The following PPP4R2 variants were observed in gnomAD, a reference collection of about 807,000 sequenced individuals.
The protein encoded by PPP4R2 is protein phosphatase 4 regulatory subunit 2.
Under a neutral mutation model 47.2 loss-of-function variants are expected in PPP4R2, and 13 were observed. The ratio of observed to expected loss-of-function variants is 0.28; its 90% CI spans 0.18 to 0.44. The LOEUF (loss-of-function observed/expected upper bound fraction) is 0.44. Among genes scored for constraint, PPP4R2 ranks in the 20% least tolerant of loss-of-function variants. The pLI, the probability that PPP4R2 is intolerant of heterozygous loss-of-function variation, is 1.00. For missense variants in PPP4R2, 421 were observed against 491.2 expected, an observed-to-expected ratio of 0.86 and a Z score of 1.35; for synonymous variants, 151 against 163.3, an observed-to-expected ratio of 0.92 and a Z score of 0.57.
chr3:73,034,305 T>G (rs1449520779), intron 2 of PPP4R2, among the ~76,000 whole-genome samples: 1 of 152,192 alleles, frequency 6.6e-6, no homozygotes, highest in Non-Finnish European at 1.5e-5. Flanking sequence ...TTGTTTTATT[T>G]TAACTCCTCC....
chr3:73,008,263 A>G (rs1701653661), intron 2 of PPP4R2, among the ~76,000 whole-genome samples: 1 of 152,192 alleles, frequency 6.6e-6, no homozygotes, highest in African/African-American at 2.4e-5. Flanking sequence ...ATTTTCAGTA[A>G]ATATAAGTTG....
intron 3 of PPP4R2, among the ~76,000 whole-genome samples, chr3:73,058,069 T>C (rs570838739): frequency 6.6e-6 from 1 of 151,092 alleles, no homozygotes; most frequent in South Asian, 2.1e-4. Context: ...CTTGTAATTC[T>C]TATGAATGCT....
chr3:73,010,471 T>A (rs1701699903), intron 2 of PPP4R2, among the ~76,000 whole-genome samples: 1 of 152,156 alleles, frequency 6.6e-6, no homozygotes, highest in African/African-American at 2.4e-5. Context: ...CTCTCTTGTC[T>A]CTATGCTTGT....
chr3:73,060,500 C>G (rs983364972), intron 4 of PPP4R2, among the ~76,000 whole-genome samples: 2 of 152,158 alleles, frequency 1.3e-5, no homozygotes, highest in Admixed American at 6.5e-5. Context: ...ATGCAAAACA[C>G]TTACTGTGAC....
chr3:73,065,464 C>T lies in PPP4R2; in HGVS notation c.996C>T (p.Ala332=), dbSNP rs1340644795. Residue 332 remains alanine (A), a synonymous_variant, in exon 9 of 9, where the codon GCC becomes GCT. Coordinates refer to ENST00000356692, the MANE Select transcript of PPP4R2 (RefSeq NM_174907.4). ...ATCAAGAAAAAGAATCTGATGATGC[C>T]TTAACTGTGAATGAAGAGACTTCTG... ...RKNQEKESDD[A]LTVNEETSEE... 2.2e-5 allele frequency: 35 copies of T among 1,611,462 alleles called. No homozygotes were observed. Among genetic ancestry groups the T allele is most frequent in the Non-Finnish European group, 3.0e-5 (35 of 1,179,644 alleles).
At chr3:73,027,943 G>C (rs1250744340) in intron 2 of PPP4R2, 1 of 135,698 alleles carries the variant, frequency 7.4e-6, no homozygotes, top group Admixed American at 7.3e-5. Flanking sequence ...TAGGTAGTTG[G>C]ATTTTTTTTT....
intron 2 of PPP4R2, among the ~76,000 whole-genome samples, chr3:73,011,208 G>A (rs1233947450): frequency 2.0e-5 from 3 of 152,132 alleles, no homozygotes; most frequent in Admixed American, 6.5e-5. Flanking sequence ...GGCCAGGTGC[G>A]GTGGCTCACG....
At chr3:73,056,977 G>C (rs2107329699) in intron 3 of PPP4R2, among the ~76,000 whole-genome samples, 1 of 152,254 alleles carries the variant, frequency 6.6e-6, no homozygotes, top group South Asian at 2.1e-4. Flanking sequence ...AACACTTGTT[G>C]AATACCCAAA....
At chr3:73,029,469 A>G (rs951412570) in intron 2 of PPP4R2, among the ~76,000 whole-genome samples, 10 of 152,230 alleles carry the variant, frequency 6.6e-5, no homozygotes, top group Non-Finnish European at 1.0e-4. Flanking sequence ...CAGGATTTCC[A>G]GGCAAGATAG....
chr3:73,021,254 A>T (rs1274402394), intron 2 of PPP4R2, among the ~76,000 whole-genome samples: 1 of 149,234 alleles, frequency 6.7e-6, no homozygotes, highest in African/African-American at 2.5e-5. Context: ...TTTTTTTGTA[A>T]CAGGATCTTA....
At position 73,065,679 on chromosome 3, in the gene PPP4R2, A is replaced by G; in HGVS notation, c.1211A>G (p.Asp404Gly). The change falls in exon 9 of 9, where the codon GAC becomes GGC. Residue 404 changes from aspartate (D) to glycine (G), a missense_variant. This residue lies in a region of PPP4R2 where 317 missense variants were observed against 287.5 expected (regional missense o/e 1.10). Transcript: ENST00000356692. Reference sequence around the variant, plus strand: ...TCAGAATCATCCATGGAAAATGATGACGAAGCCACAGAAGTCACCGATGAA... The same window carrying G: ...TCAGAATCATCCATGGAAAATGATGGCGAAGCCACAGAAGTCACCGATGAA... ...ILSESSMEND[D>G]EATEVTDEPM... 1 of 1,610,060 alleles carries G rather than the reference A, an allele frequency of 6.2e-7. No homozygotes were observed.
chr3:73,004,480 G>T lies in PPP4R2; in HGVS notation c.116+6322G>T, dbSNP rs143096046. Among the ~76,000 whole-genome samples the T allele has an allele frequency of 4.3e-3, 658 of 152,274 alleles. 3 individuals are homozygous for T. Among genetic ancestry groups the T allele is most frequent in the African/African-American group, 0.015 (626 of 41,544 alleles). ...TTAAAATCTATTTATTTTTGAGACA[G>T]AGTCTTGCTCTTTTGCCCCGGTTGG... On this transcript the variant is annotated intron_variant, in intron 2 of 8. Coordinates refer to ENST00000356692, the MANE Select transcript of PPP4R2 (RefSeq NM_174907.4).
chr3:73,059,869 A>G (rs1702809583), intron 4 of PPP4R2, among the ~76,000 whole-genome samples: 1 of 149,118 alleles, frequency 6.7e-6, no homozygotes, highest in African/African-American at 2.5e-5. Context: ...TGGGAGACGG[A>G]GGTTGCAGAG....
At chr3:73,001,456 C>T (rs1266321069) in intron 2 of PPP4R2, among the ~76,000 whole-genome samples, 1 of 139,558 alleles carries the variant, frequency 7.2e-6, no homozygotes, top group Non-Finnish European at 1.6e-5. Context: ...CCCAGCTACT[C>T]CCAGCTACTT....
At chr3:73,028,120 G>C (rs992970121) in intron 2 of PPP4R2, among the ~76,000 whole-genome samples, 1 of 151,604 alleles carries the variant, frequency 6.6e-6, no homozygotes, top group Non-Finnish European at 1.5e-5. Flanking sequence ...AGCCAGGCGT[G>C]GTGGCACACG....
chr3:73,062,735 T>C (rs377295977), intron 5 of PPP4R2: 82 of 1,614,028 alleles, frequency 5.1e-5, no homozygotes, highest in Admixed American at 2.0e-4. Context: ...TGATGGCATC[T>C]ATTGGAAGAC....
chr3:73,004,287 C>G (rs1701548615), intron 2 of PPP4R2, among the ~76,000 whole-genome samples: 1 of 151,242 alleles, frequency 6.6e-6, no homozygotes, highest in East Asian at 2.0e-4. Flanking sequence ...GCTATCCTCC[C>G]GCCTGTGCCT....
At position 73,065,734 on chromosome 3, in the gene PPP4R2, C is replaced by A. The variant is rs370197407; in HGVS notation, c.*12C>A. On this transcript the variant is annotated 3_prime_UTR_variant, in exon 9 of 9. Transcript: ENST00000356692. ...TGGAACAAGACTAACTATTTAGAAACATTTAGATGCAGTATTTTACATACA... is the reference window on the plus strand; with the variant it reads ...TGGAACAAGACTAACTATTTAGAAAAATTTAGATGCAGTATTTTACATACA... The A allele has an allele frequency of 6.5e-7, 1 of 1,548,528 alleles. No individual in the cohort carries two copies. Among genetic ancestry groups the A allele is most frequent in the East Asian group, 2.3e-5 (1 of 43,480 alleles).
At chr3:73,038,731 T>C (rs1335268242) in intron 2 of PPP4R2, among the ~76,000 whole-genome samples, 1 of 152,210 alleles carries the variant, frequency 6.6e-6, no homozygotes, top group African/African-American at 2.4e-5. Context: ...ACTTTTTGTT[T>C]TAATTGGTAG....
Sources: allele counts gnomAD v4.1 joint callset (sites outside exome capture counted in the v4.1 genomes callset), GRCh38; gene constraint gnomAD v4.1.1; regional missense constraint gnomAD v4.1.1; transcripts MANE v1.5; gene names NCBI Gene and HGNC (gene_info 2026-07-23, HGNC 2026-07-21).